The following FAM151A variants were observed in gnomAD, a reference collection of about 807,000 sequenced individuals.
FAM151A encodes the protein protein FAM151A.
Under a neutral mutation model 40.4 loss-of-function variants are expected in FAM151A, and 41 were observed. The ratio of observed to expected loss-of-function variants is 1.01; its 90% CI spans 0.79 to 1.32. The LOEUF (loss-of-function observed/expected upper bound fraction) is 1.32, where lower values mean the gene tolerates loss of function less well. FAM151A is among the 40% of genes most tolerant of loss of function. The pLI, the probability that FAM151A is intolerant of heterozygous loss-of-function variation, is 0.00. For synonymous variants in FAM151A, 337 were observed against 312.5 expected, an observed-to-expected ratio of 1.08 and a Z score of -0.83; for missense variants, 740 against 740.4, an observed-to-expected ratio of 1.00 and a Z score of 0.01.
rs1445439940 is a variant in FAM151A at position 54,609,687 on chromosome 1, T to A, written c.1339A>T (p.Ile447Phe). 9.3e-6 allele frequency: 15 copies of A among 1,613,748 alleles called. No individual in the cohort carries two copies. Among genetic ancestry groups the A allele is most frequent in the African/African-American group, 4.0e-5 (3 of 74,924 alleles). ...LHWPVWVGAK[I>F]SHGSFSVPGH... ...GGGACCGAAAAACTCCCGTGGGAGA[T>A]TTTGGCCCCAACCCACACAGGCCAA... is the stretch of plus-strand genomic sequence containing the variant. The change falls in exon 8 of 8, where the codon ATC (isoleucine) becomes TTC (phenylalanine). Residue 447 changes from isoleucine to phenylalanine, a missense_variant. Physicochemically the swap from Ile to Phe is conservative, Grantham distance 21 (BLOSUM62 0). Coordinates refer to ENST00000302250, the MANE Select transcript of FAM151A (RefSeq NM_176782.3).
intron 2 of FAM151A, among the ~76,000 whole-genome samples, chr1:54,617,073 G>C (rs1644180630): frequency 6.6e-6 from 1 of 152,200 alleles, no homozygotes; most frequent in South Asian, 2.1e-4. Flanking sequence ...TCTTGTTCCT[G>C]CACAAGGTTG....
chr1:54,619,089 T>C (rs1353321598), intron 2 of FAM151A, among the ~76,000 whole-genome samples: 2 of 152,210 alleles, frequency 1.3e-5, no homozygotes, highest in East Asian at 1.9e-4. Context: ...AGGAGTTTGC[T>C]TGAGCAGTGA....
At chr1:54,610,620 A>G in intron 6 of FAM151A, 65 bp from the exon 7 acceptor site, 1 of 1,570,050 alleles carries the variant, frequency 6.4e-7, no homozygotes, top group East Asian at 2.2e-5. Context: ...CCTGGTTGCT[A>G]GGGTCCCATA....
Position 54,609,227 on chromosome 1 carries a change from GCCT to G in FAM151A, c.*38_*40del. 6.3e-7 allele frequency: 1 copy of G among 1,589,970 alleles called. No individual in the cohort carries two copies. Among genetic ancestry groups the G allele is most frequent in the Non-Finnish European group, 8.6e-7 (1 of 1,166,830 alleles). ...ATTTCTTCCTGCCTCCCCGTGGGAA[GCCT>G]CCGCCCTGAGGTCCGCTGGCCCACC... On this transcript the variant is annotated 3_prime_UTR_variant, in exon 8 of 8. Coordinates refer to ENST00000302250, the MANE Select transcript of FAM151A (RefSeq NM_176782.3).
chr1:54,619,772 A>G, intron 2 of FAM151A, 92 bp downstream of exon 2: 1 of 1,354,068 alleles, frequency 7.4e-7, no homozygotes, highest in Admixed American at 1.8e-5. Context: ...CCATCATGCC[A>G]CCACAGTGAC....
At chr1:54,610,813 G>T (rs1010230102) in intron 6 of FAM151A, 1 of 985,382 alleles carries the variant, frequency 1.0e-6, no homozygotes. Context: ...TATCCTTCCC[G>T]CTCGCTTAGG....
In FAM151A at chr1:54,614,843, G is replaced by C; in HGVS notation, c.432C>G (p.Phe144Leu). The C allele has an allele frequency of 6.2e-7, 1 of 1,613,918 alleles. No individual in the cohort carries two copies. Among genetic ancestry groups the C allele is most frequent in the Non-Finnish European group, 8.5e-7 (1 of 1,179,922 alleles). Reference sequence around the variant, plus strand: ...AGGGGCCCACTGCCTTGATGTTCTTGAAGTCCAGTTTGATGCCTGTGGGGA... The same window carrying C: ...AGGGGCCCACTGCCTTGATGTTCTTCAAGTCCAGTTTGATGCCTGTGGGGA... ...GSSQKGIKLD[F>L]KNIKAVGPSL... Residue 144 changes from phenylalanine (F) to leucine (L), a missense_variant, in exon 4 of 8, where the codon TTC (phenylalanine) becomes TTG (leucine). Phe to Leu is a conservative substitution (Grantham distance 22, BLOSUM62 0). Transcript: ENST00000302250.
intron 6 of FAM151A, chr1:54,610,878 C>T (rs748532642): frequency 1.5e-4 from 147 of 985,260 alleles, no homozygotes; most frequent in Admixed American, 2.5e-4. Flanking sequence ...GATGGCTTAA[C>T]TGCGGCTCTT....
chr1:54,623,433 G>T lies in FAM151A; in HGVS notation c.-38C>A, dbSNP rs199948329. On this transcript the variant is annotated 5_prime_UTR_variant, in exon 1 of 8. Coordinates refer to ENST00000302250, the MANE Select transcript of FAM151A (RefSeq NM_176782.3). ...TGGGGAATGCCCCCAACTCCGTGCG[G>T]CCCAGAGTCCCTGAGGCTCCCTGCA... is the stretch of plus-strand genomic sequence containing the variant. 2 of 1,514,904 alleles carry T rather than the reference G, an allele frequency of 1.3e-6. No homozygotes were observed. The highest frequency in any genetic ancestry group is 1.1e-5 in the South Asian group (1 of 87,884). 93.8% of individuals were successfully genotyped at this position (1,514,904 alleles called of 1,614,324 possible). A position where few individuals can be genotyped will look rare whatever the true frequency, so the allele number is the denominator to read the frequency against.
chr1:54,619,976 G>C lies in FAM151A; in HGVS notation c.150C>G (p.Ala50=), dbSNP rs745440340. The C allele has an allele frequency of 3.7e-6, 6 of 1,613,950 alleles. No individual in the cohort carries two copies. Among genetic ancestry groups the C allele is most frequent in the Non-Finnish European group, 5.1e-6 (6 of 1,180,018 alleles). ...GGCTCAGCAGGTAGTCCAGCATGTC[G>C]GCATCAGGGCTGCAGGCCTCCAGCT... is the stretch of plus-strand genomic sequence containing the variant. ...GCELEACSPD[A]DMLDYLLSLG... The change falls in exon 2 of 8, where the codon GCC becomes GCG. Residue 50 remains alanine, a synonymous_variant. Coordinates refer to ENST00000302250, the MANE Select transcript of FAM151A (RefSeq NM_176782.3).
chr1:54,614,173 C>T (rs1404073387), intron 4 of FAM151A, among the ~76,000 whole-genome samples: 2 of 152,304 alleles, frequency 1.3e-5, no homozygotes, highest in East Asian at 3.9e-4. Flanking sequence ...CATTCTCTCT[C>T]TTTGTAAACT....
Position 54,619,968 on chromosome 1 carries a change from AGCATGTCG to A in FAM151A, c.150_157del (p.Asp51GlyfsTer43). ...CTGGCCCAGGCTCAGCAGGTAGTCC[AGCATGTCG>A]GCATCAGGGCTGCAGGCCTCCAGCT... On this transcript the variant is annotated frameshift_variant, in exon 2 of 8. Coordinates refer to ENST00000302250, the MANE Select transcript of FAM151A (RefSeq NM_176782.3). LOFTEE classifies it high-confidence loss of function. 1 of 1,614,172 alleles carries A rather than the reference AGCATGTCG, an allele frequency of 6.2e-7. No individual in the cohort carries two copies. The highest frequency in any genetic ancestry group is 1.1e-5 in the South Asian group (1 of 91,078).
At chr1:54,612,414 C>CT in intron 5 of FAM151A, 72 bp downstream of exon 5, 1 of 1,130,982 alleles carries the variant, frequency 8.8e-7, no homozygotes, top group Middle Eastern at 2.0e-4. Flanking sequence ...CCCTTCCAGC[C>CT]ATGAGCTTCT....
Position 54,609,301 on chromosome 1 carries a change from G to C in FAM151A, c.1725C>G (p.His575Gln). Reference protein sequence around the residue: ...RVYYRLPQGYHKDLLAHVGRN With the variant: ...RVYYRLPQGYQKDLLAHVGRN ...TACCAACATGAGCCAGCAAGTCCTT[G>C]TGGTAGCCCTGGGGTAGCCTGTAGT... is the stretch of plus-strand genomic sequence containing the variant. Residue 575 changes from histidine (H) to glutamine (Q), a missense_variant, in exon 8 of 8, where the codon CAC becomes CAG. Transcript: ENST00000302250. The C allele has an allele frequency of 1.2e-6, 2 of 1,610,142 alleles. No homozygotes were observed. The highest frequency in any genetic ancestry group is 1.7e-6 in the Non-Finnish European group (2 of 1,177,036).
At chr1:54,610,776 A>T in intron 6 of FAM151A, 1 of 984,510 alleles carries the variant, frequency 1.0e-6, no homozygotes, top group South Asian at 4.7e-5. Flanking sequence ...ACCTGATGGG[A>T]CCAGGTCTGC....
At position 54,619,904 on chromosome 1, in the gene FAM151A, G is replaced by C. The variant is rs769912646; in HGVS notation, c.222C>G (p.His74Gln). 2 of 1,614,134 alleles carry C rather than the reference G, an allele frequency of 1.2e-6. No homozygotes were observed. Among genetic ancestry groups the C allele is most frequent in the East Asian group, 4.5e-5 (2 of 44,886 alleles). The change falls in exon 2 of 8, where the codon CAC becomes CAG. Residue 74 changes from histidine to glutamine, a missense_variant. Physicochemically the swap from His to Gln is conservative, Grantham distance 24. Transcript: ENST00000302250. Reference sequence around the variant, plus strand: ...TCATGGCTTTCTTGCTGTTGGCTGCGTGGTACCAGGTGACCTCCAAGGCAT... The same window carrying C: ...TCATGGCTTTCTTGCTGTTGGCTGCCTGGTACCAGGTGACCTCCAAGGCAT... Reference protein sequence around the residue: ...RRDALEVTWYHAANSKKAMTA... With the variant: ...RRDALEVTWYQAANSKKAMTA...
chr1:54,617,263 G>A (rs71637856), intron 2 of FAM151A, among the ~76,000 whole-genome samples: 7 of 152,148 alleles, frequency 4.6e-5, no homozygotes, highest in Non-Finnish European at 1.0e-4. Context: ...CTTGAAGAGT[G>A]TAGTGGAGGG....
chr1:54,623,345 G>C lies in FAM151A; in HGVS notation c.51C>G (p.Ala17=). The change falls in exon 1 of 8, where the codon GCC becomes GCG. Residue 17 remains alanine, a synonymous_variant. Coordinates refer to ENST00000302250, the MANE Select transcript of FAM151A (RefSeq NM_176782.3). ...LSKNQVKWVF[A]GITCVSVVVI... Reference sequence around the variant, plus strand: ...CCACCACAGACACACAGGTAATGCCGGCAAACACCCACTTGACCTGATTCT... The same window carrying C: ...CCACCACAGACACACAGGTAATGCCCGCAAACACCCACTTGACCTGATTCT... 1 of 1,613,898 alleles carries C rather than the reference G, an allele frequency of 6.2e-7. No individual in the cohort carries two copies. Among genetic ancestry groups the C allele is most frequent in the Non-Finnish European group, 8.5e-7 (1 of 1,179,952 alleles).
At chr1:54,615,994 G>C (rs755239601) in intron 3 of FAM151A, 26 bp downstream of exon 3, 2 of 1,611,392 alleles carry the variant, frequency 1.2e-6, no homozygotes, top group African/African-American at 1.3e-5. Context: ...CTGGGGGCCG[G>C]AGAGGGTTTC....
Sources: gnomAD v4.1 joint callset for allele counts (sites outside exome capture counted in the v4.1 genomes callset) on GRCh38, gnomAD v4.1.1 for gene constraint, MANE v1.5 for transcripts, NCBI Gene and HGNC (gene_info 2026-07-23, HGNC 2026-07-21) for gene names.